Variants in RGS11 observed in about 807,000 individuals in gnomAD.
RGS11 encodes the protein regulator of G-protein signaling 11.
In RGS11, 86 loss-of-function variants were observed where a neutral mutation model predicts 71.1. The observed-to-expected ratio is 1.21, with a 90% CI of 1.02 to 1.45. RGS11 has a LOEUF of 1.45. RGS11 is among the 40% of genes most tolerant of loss of function. RGS11 has a pLI of 0.00. For missense variants in RGS11, 734 were observed against 635.1 expected, an observed-to-expected ratio of 1.16 and a Z score of -1.67; for synonymous variants, 298 against 254.2, an observed-to-expected ratio of 1.17 and a Z score of -1.64.
Position 268,854 on chromosome 16 carries a change from C to T in RGS11, c.*415G>A, listed in dbSNP as rs1032188098. The T allele has an allele frequency of 3.7e-5, 58 of 1,550,210 alleles. No homozygotes were observed. Among genetic ancestry groups the T allele is most frequent in the Non-Finnish European group, 4.4e-5 (50 of 1,146,958 alleles). On this transcript the variant is annotated 3_prime_UTR_variant, in exon 17 of 17. Transcript: ENST00000397770. Reference sequence around the variant, plus strand: ...AGACCTGCATGTCCGCGTCTTGTGACGGGTGTGTGGGAAGCCGCCCGCCTG... The same window carrying T: ...AGACCTGCATGTCCGCGTCTTGTGATGGGTGTGTGGGAAGCCGCCCGCCTG...
Position 271,408 on chromosome 16 carries a change from C to T in RGS11, c.740G>A (p.Cys247Tyr). The T allele has an allele frequency of 7.4e-6, 12 of 1,613,734 alleles. No homozygotes were observed. Among genetic ancestry groups the T allele is most frequent in the Non-Finnish European group, 1.0e-5 (12 of 1,180,014 alleles). ...CCCTCACCCCACTCACGCCTCAAGG[C>T]AGACGGAGGACTTCACTCGGGTCCT... Reference protein sequence around the residue: ...LGRTRVKSSVCLEAYLSFCGQ... With the variant: ...LGRTRVKSSVYLEAYLSFCGQ... Residue 247 changes from cysteine to tyrosine, a missense_variant, in exon 11 of 17, where the codon TGC (cysteine) becomes TAC (tyrosine). Coordinates refer to ENST00000397770, the MANE Select transcript of RGS11 (RefSeq NM_183337.3).
chr16:273,155 TC>T (rs2052011679), intron 8 of RGS11, among the ~76,000 whole-genome samples: 1 of 151,514 alleles, frequency 6.6e-6, no homozygotes, highest in Non-Finnish European at 1.5e-5. Flanking sequence ...GTGAACTCGG[TC>T]CCCCCACTGC....
chr16:272,642 C>T, intron 9 of RGS11: 1 of 1,403,276 alleles, frequency 7.1e-7, no homozygotes, highest in East Asian at 2.8e-5. Flanking sequence ...ACTCCACTTA[C>T]CTGCACCCAG....
Position 271,062 on chromosome 16 carries a change from C to G in RGS11, c.901G>C (p.Gly301Arg), listed in dbSNP as rs73486213. The G allele has an allele frequency of 3.3e-3, 5,336 of 1,612,460 alleles. 162 individuals are homozygous for G. In the African/African-American group the frequency reaches 0.063, roughly 19 times the overall value. ...TCCAGGAGCTCCCGGAAGCTGAAGC[C>G]CCATCTCTCCACACGGAGCTTCGTG... Reference protein sequence around the residue: ...APTKLRVERWGFSFRELLEDP... With the variant: ...APTKLRVERWRFSFRELLEDP... The change falls in exon 13 of 17, where the codon GGC becomes CGC. Residue 301 changes from glycine to arginine, a missense_variant. Physicochemically the swap from Gly to Arg is moderately radical, Grantham distance 125. Coordinates refer to ENST00000397770, the MANE Select transcript of RGS11 (RefSeq NM_183337.3).
chr16:272,723 A>C lies in RGS11; in HGVS notation c.657+140T>G, dbSNP rs531932681. ...GGGGAACAGGGAGTGACCGGGAGTG[A>C]GCAGGGGCTTGGGGAGGCTGCACCA... On this transcript the variant is annotated intron_variant, in intron 9 of 16. Transcript: ENST00000397770. 4 of 1,495,184 alleles carry C rather than the reference A, an allele frequency of 2.7e-6. No homozygotes were observed. In the South Asian group the frequency reaches 5.1e-5, roughly 19 times the overall value. 92.6% of individuals were successfully genotyped at this position (1,495,184 alleles called of 1,614,324 possible).
Position 274,443 on chromosome 16 carries a change from A to G in RGS11, c.319-178T>C, listed in dbSNP as rs2052075602. 1.9e-5 allele frequency: 12 copies of G among 641,208 alleles called. No individual in the cohort carries two copies. In the South Asian group the frequency reaches 2.1e-4, roughly 11 times the overall value. 39.7% of individuals were successfully genotyped at this position (641,208 alleles called of 1,614,324 possible). On this transcript the variant is annotated intron_variant, in intron 4 of 16. Transcript: ENST00000397770. ...CCACTGGCCAGTCTCTCCAACTAGAACTGAGGTCAACTCGCTCCTTAGGGC... is the reference window on the plus strand; with the variant it reads ...CCACTGGCCAGTCTCTCCAACTAGAGCTGAGGTCAACTCGCTCCTTAGGGC...
At position 268,417 on chromosome 16, in the gene RGS11, G is replaced by A. The variant is rs957225070; in HGVS notation, c.*852C>T. On this transcript the variant is annotated 3_prime_UTR_variant, in exon 17 of 17. Transcript: ENST00000397770. ...GGGGATGGCACCGCCCTACCGCCGAGAGAGTTGAAGCTGCACCCCCGAAAG... is the reference window on the plus strand; with the variant it reads ...GGGGATGGCACCGCCCTACCGCCGAAAGAGTTGAAGCTGCACCCCCGAAAG... 4 of 345,866 alleles carry A rather than the reference G, an allele frequency of 1.2e-5. No homozygotes were observed. The highest frequency in any genetic ancestry group is 8.3e-5 in the African/African-American group (4 of 47,938). The allele number at this position is 345,866 out of a possible 1,614,324, so 21.4% of individuals were successfully genotyped here. A position where few individuals can be genotyped will look rare whatever the true frequency, so the allele number is the denominator to read the frequency against.
chr16:272,982 C>A (rs774323412), intron 8 of RGS11, 51 bp from the exon 9 acceptor site: 8 of 1,425,786 alleles, frequency 5.6e-6, no homozygotes, highest in Non-Finnish European at 6.5e-6. Flanking sequence ...GTGGCTGACC[C>A]CCTTTAAGGC....
chr16:269,078 C>A lies in RGS11; in HGVS notation c.*191G>T. The A allele has an allele frequency of 1.0e-6, 1 of 985,144 alleles. No homozygotes were observed. Among genetic ancestry groups the A allele is most frequent in the Non-Finnish European group, 1.6e-6 (1 of 632,940 alleles). The allele number at this position is 985,144 out of a possible 1,614,324, so 61.0% of individuals were successfully genotyped here. On this transcript the variant is annotated 3_prime_UTR_variant, in exon 17 of 17. Transcript: ENST00000397770. The stretch of plus-strand genomic sequence containing the variant: ...TGGGAATCCACACCTGGACCCATTC[C>A]TTCTGGGCAGGGAGGGCTTGCTGGA...
In RGS11 at chr16:275,341, G is replaced by C; in HGVS notation, c.161-8C>G. 2.5e-6 allele frequency: 4 copies of C among 1,612,286 alleles called. No homozygotes were observed. Among genetic ancestry groups the C allele is most frequent in the Non-Finnish European group, 3.4e-6 (4 of 1,179,844 alleles). On this transcript the variant is annotated splice_region_variant and splice_polypyrimidine_tract_variant and intron_variant, in intron 2 of 16. Coordinates refer to ENST00000397770, the MANE Select transcript of RGS11 (RefSeq NM_183337.3). ...ACTGCACGACGTCGCTGCCTGCACG[G>C]GAGAGACAGAGGTGGAGGGAGGCCG...
At chr16:275,127 G>A (rs1476289284) in intron 3 of RGS11, 45 bp from the exon 4 acceptor site, 2 of 1,494,804 alleles carry the variant, frequency 1.3e-6, no homozygotes, top group African/African-American at 2.8e-5. Flanking sequence ...GGAAGCGGGC[G>A]AGGGCGGGAC....
At position 269,026 on chromosome 16, in the gene RGS11, C is replaced by T; in HGVS notation, c.*243G>A. The T allele has an allele frequency of 7.8e-7, 1 of 1,289,210 alleles. No homozygotes were observed. Among genetic ancestry groups the T allele is most frequent in the Non-Finnish European group, 1.1e-6 (1 of 909,120 alleles). The allele number at this position is 1,289,210 out of a possible 1,614,324, so 79.9% of individuals were successfully genotyped here. ...TTCAGGTAACAGGCTCTGCCCTGAC[C>T]CAAGCTGAGCCAATGAACCCCCTCC... is the stretch of plus-strand genomic sequence containing the variant. On this transcript the variant is annotated 3_prime_UTR_variant, in exon 17 of 17. Transcript: ENST00000397770.
Position 268,823 on chromosome 16 carries a change from G to A in RGS11, c.*446C>T, listed in dbSNP as rs114887633. The A allele has an allele frequency of 3.0e-5, 47 of 1,550,274 alleles. No homozygotes were observed. The East Asian group carries it at 8.6e-4, about 28-fold the overall frequency. On this transcript the variant is annotated 3_prime_UTR_variant, in exon 17 of 17. Transcript: ENST00000397770. The stretch of plus-strand genomic sequence containing the variant: ...GAGGCTCTTGGACGGGGCAGAGCTC[G>A]CGCCGAGACCTGCATGTCCGCGTCT...
At chr16:272,679 CGA>C (rs2051991240) in intron 9 of RGS11, 182 bp downstream of exon 9, 3 of 1,464,038 alleles carry the variant, frequency 2.0e-6, no homozygotes, top group African/African-American at 1.4e-5. Flanking sequence ...GGAGAGAAAG[CGA>C]GAGTTAGCAG....
At chr16:273,930 T>G (rs2052049061) in intron 6 of RGS11, 94 bp from the exon 7 acceptor site, 1 of 1,456,996 alleles carries the variant, frequency 6.9e-7, no homozygotes, top group South Asian at 1.1e-5. Context: ...TCTTGGGTTT[T>G]GGGGCCTGGG....
Position 271,026 on chromosome 16 carries a change from C to G in RGS11, c.937G>C (p.Gly313Arg), listed in dbSNP as rs1212220658. ...SFRELLEDPVGRAHFMDFLGK... is the reference protein window; with the variant it reads ...SFRELLEDPVRRAHFMDFLGK... ...AGAAAGTCCATGAAGTGGGCCCGCC[C>G]CACGGGGTCCTCCAGGAGCTCCCGG... The change falls in exon 13 of 17, where the codon GGG (glycine) becomes CGG (arginine). Residue 313 changes from glycine (G) to arginine (R), a missense_variant. Gly to Arg is a moderately radical substitution (Grantham distance 125). Coordinates refer to ENST00000397770, the MANE Select transcript of RGS11 (RefSeq NM_183337.3). The G allele has an allele frequency of 1.9e-6, 3 of 1,612,362 alleles. No individual in the cohort carries two copies. The highest frequency in any genetic ancestry group is 1.3e-5 in the African/African-American group (1 of 74,888).
At chr16:272,592 A>T in intron 9 of RGS11, 1 of 1,453,884 alleles carries the variant, frequency 6.9e-7, no homozygotes, top group Non-Finnish European at 9.1e-7. Flanking sequence ...TGTTCTGGAG[A>T]AGAGCCCCCT....
intron 9 of RGS11, 88 bp from the exon 10 acceptor site, chr16:271,657 G>A: frequency 7.8e-7 from 1 of 1,287,422 alleles, no homozygotes; most frequent in East Asian, 2.3e-5. Context: ...CCCAGGCTGA[G>A]CCCCTGCCCC....
At chr16:274,616 T>C (rs1287371322) in intron 4 of RGS11, 2 of 611,046 alleles carry the variant, frequency 3.3e-6, no homozygotes, top group African/African-American at 3.6e-5. Flanking sequence ...GGGACCCTGA[T>C]GTGGTTAGGG....
Sources: gnomAD v4.1 joint callset for allele counts (sites outside exome capture counted in the v4.1 genomes callset) on GRCh38, gnomAD v4.1.1 for gene constraint, MANE v1.5 for transcripts, NCBI Gene and HGNC (gene_info 2026-07-23, HGNC 2026-07-21) for gene names.